Variants in MYBBP1A observed in about 807,000 individuals in gnomAD.
MYBBP1A encodes myb-binding protein 1A.
Under a neutral mutation model 136.3 loss-of-function variants are expected in MYBBP1A, and 147 were observed. That is an observed-to-expected ratio of 1.08 (90% CI 0.94 to 1.24). MYBBP1A has a LOEUF of 1.24. MYBBP1A is among the 50% of genes most tolerant of loss of function. The pLI is 0.00. For missense variants in MYBBP1A, 2,060 were observed against 1,727.4 expected (o/e 1.19, Z -3.41); for synonymous variants, 947 against 735.8 (o/e 1.29, Z -4.65).
Position 4,545,946 on chromosome 17 carries a change from C to A in MYBBP1A, c.1825-4G>T. 6.2e-7 allele frequency: 1 copy of A among 1,612,290 alleles called. No homozygotes were observed. ...GGTCACAGCTCTCTGCAGGGGACTG[C>A]GGGCAGGGTAGGACACACACTGGGG... On this transcript the variant is annotated splice_polypyrimidine_tract_variant and splice_region_variant and intron_variant, in intron 13 of 25. Coordinates refer to ENST00000254718, the MANE Select transcript of MYBBP1A (RefSeq NM_014520.4).
At chr17:4,544,717 G>A in intron 18 of MYBBP1A, 34 bp downstream of exon 18, 1 of 1,494,860 alleles carries the variant, frequency 6.7e-7, no homozygotes, top group Non-Finnish European at 9.0e-7. Flanking sequence ...CGCACAGGGA[G>A]GCGGGGGTGG....
Position 4,539,523 on chromosome 17 carries a change from G to A in MYBBP1A, c.3879C>T (p.Ser1293=), listed in dbSNP as rs73335853. 24,740 of 1,614,026 alleles carry A rather than the reference G, an allele frequency of 0.015. 1,373 individuals are homozygous for A. In the African/African-American group the frequency reaches 0.18, roughly 12 times the overall value. ...KKGVLGKSPL[S]ALARKKARLS... ...GCCTTGCCTTTTTCCGTGCCAGCGC[G>A]GACAGTGGTGATTTGCCCAAGACCC... The change falls in exon 26 of 26, where the codon TCC becomes TCT. Residue 1293 remains serine (S), a synonymous_variant. Coordinates refer to ENST00000254718, the MANE Select transcript of MYBBP1A (RefSeq NM_014520.4).
chr17:4,548,118 C>G lies in MYBBP1A; in HGVS notation c.1724+25G>C. ...CAGTCAGACTGCAGCGTCCTGCCCACCCCCTGGAAATCCCACGTGCTCACC... is the reference window on the plus strand; with the variant it reads ...CAGTCAGACTGCAGCGTCCTGCCCAGCCCCTGGAAATCCCACGTGCTCACC... On this transcript the variant is annotated intron_variant, in intron 12 of 25. Transcript: ENST00000254718. This position sits in a 1 kb window ranked among gnomAD's most constrained non-coding sequence, Gnocchi z 4.2. 1 of 1,603,996 alleles carries G rather than the reference C, an allele frequency of 6.2e-7. No individual in the cohort carries two copies. Among genetic ancestry groups the G allele is most frequent in the South Asian group, 1.1e-5 (1 of 91,030 alleles).
chr17:4,549,195 T>TC (rs1283475543), intron 10 of MYBBP1A, 137 bp downstream of exon 10: 1 of 691,740 alleles, frequency 1.4e-6, no homozygotes, highest in Non-Finnish European at 2.4e-6. Flanking sequence ...AATTCCCAAG[T>TC]CCCCTTGTGC....
Position 4,545,358 on chromosome 17 carries a change from G to A in MYBBP1A, c.2074-13C>T, listed in dbSNP as rs745317396. On this transcript the variant is annotated splice_polypyrimidine_tract_variant and intron_variant, in intron 15 of 25. Transcript: ENST00000254718. ...CGGGGTTCAGCACCTGGGGAGGGGTGCCAGCCACTGACCCATTTGCAGCCC... is the reference window on the plus strand; with the variant it reads ...CGGGGTTCAGCACCTGGGGAGGGGTACCAGCCACTGACCCATTTGCAGCCC... 2 of 1,611,052 alleles carry A rather than the reference G, an allele frequency of 1.2e-6. No homozygotes were observed. Among genetic ancestry groups the A allele is most frequent in the Admixed American group, 1.7e-5 (1 of 59,938 alleles).
intron 5 of MYBBP1A, among the ~76,000 whole-genome samples, chr17:4,553,551 G>C (rs922917039): frequency 1.3e-5 from 2 of 152,220 alleles, no homozygotes; most frequent in Non-Finnish European, 2.9e-5. Context: ...GACAAAAAGA[G>C]TGTAAGATAT....
chr17:4,550,311 C>A lies in MYBBP1A; in HGVS notation c.1066G>T (p.Val356Leu), dbSNP rs188095245. ...TGGCACCCCTCTAGGAAGGTGCCCA[C>A]GTAATCGTCCATCTCTGGGGCAAAC... ...FKFAPEMDDY[V>L]GTFLEGCQDD... Residue 356 changes from valine (V) to leucine (L), a missense_variant, in exon 9 of 26, where the codon GTG (valine) becomes TTG (leucine). Val to Leu is a conservative substitution (Grantham distance 32). Transcript: ENST00000254718. The A allele has an allele frequency of 1.9e-6, 3 of 1,613,096 alleles. No individual in the cohort carries two copies. Among genetic ancestry groups the A allele is most frequent in the Non-Finnish European group, 2.5e-6 (3 of 1,179,886 alleles).
Position 4,549,341 on chromosome 17 carries a change from T to C in MYBBP1A, c.1421A>G (p.Gln474Arg), listed in dbSNP as rs1303817480. 1.2e-6 allele frequency: 2 copies of C among 1,611,612 alleles called. No individual in the cohort carries two copies. The highest frequency in any genetic ancestry group is 2.7e-5 in the African/African-American group (2 of 74,934). Residue 474 changes from glutamine (Q) to arginine (R), a missense_variant, in exon 10 of 26, where the codon CAG (glutamine) becomes CGG (arginine). Gln to Arg is a conservative substitution (Grantham distance 43). Transcript: ENST00000254718. ...HLEMEEALTE[Q>R]VARFCLFHSF... Reference sequence around the variant, plus strand: ...CCAGCACAGCTCGCACCTGGCCACCTGCTCAGTCAAGGCCTCCTCCATCTC... The same window carrying C: ...CCAGCACAGCTCGCACCTGGCCACCCGCTCAGTCAAGGCCTCCTCCATCTC...
At chr17:4,541,631 G>A (rs529816448) in intron 23 of MYBBP1A, 67 bp from the exon 24 acceptor site, 4 of 1,548,912 alleles carry the variant, frequency 2.6e-6, no homozygotes, top group Non-Finnish European at 3.5e-6. Flanking sequence ...TTCCCAGCCG[G>A]AAGTAAAGCC....
chr17:4,544,398 C>T (rs765606651), intron 19 of MYBBP1A, 91 bp downstream of exon 19: 3 of 1,498,674 alleles, frequency 2.0e-6, no homozygotes, highest in Non-Finnish European at 2.7e-6. Context: ...TGGCTCTCTC[C>T]TTCCTGTGCA....
At chr17:4,547,121 G>A (rs1907083200) in intron 13 of MYBBP1A, among the ~76,000 whole-genome samples, 2 of 152,118 alleles carry the variant, frequency 1.3e-5, no homozygotes, top group South Asian at 4.1e-4. Flanking sequence ...CTGTTGGCCA[G>A]GCTGGTCTTG....
rs373771393 is a variant in MYBBP1A, at chr17:4,542,482, C to T, written c.3069G>A (p.Pro1023=). ...LPILVQHITG[P]VRPRHQACLL... Reference sequence around the variant, plus strand: ...CTCTCACCTGATGACGGGGCCGCACCGGGCCCGTGATATGCTGGACCAGGA... The same window carrying T: ...CTCTCACCTGATGACGGGGCCGCACTGGGCCCGTGATATGCTGGACCAGGA... Residue 1023 remains proline (P), a synonymous_variant, in exon 22 of 26, where the codon CCG becomes CCA. Transcript: ENST00000254718. 581 of 1,610,372 alleles carry T rather than the reference C, an allele frequency of 3.6e-4. No individual in the cohort carries two copies. The highest frequency in any genetic ancestry group is 4.7e-4 in the Non-Finnish European group (553 of 1,177,714).
chr17:4,549,524 C>T, intron 9 of MYBBP1A, 82 bp from the exon 10 acceptor site: 1 of 1,296,090 alleles, frequency 7.7e-7, no homozygotes, highest in Non-Finnish European at 1.1e-6. Flanking sequence ...CACCTGTAAT[C>T]CCAGCACTTT....
rs764027363 is a variant in MYBBP1A, at chr17:4,540,495, T to C, written c.3298-11A>G. 33 of 1,602,116 alleles carry C rather than the reference T, an allele frequency of 2.1e-5. No individual in the cohort carries two copies. In the African/African-American group the frequency reaches 3.5e-4, roughly 17 times the overall value. On this transcript the variant is annotated splice_polypyrimidine_tract_variant and intron_variant, in intron 24 of 25. Coordinates refer to ENST00000254718, the MANE Select transcript of MYBBP1A (RefSeq NM_014520.4). ...GTCCAAGGTCAGCTTCTGCAGAGGG[T>C]GGGAAGGCAGAGCTGTGGGGCCACA...
At position 4,542,533 on chromosome 17, in the gene MYBBP1A, C is replaced by T; in HGVS notation, c.3019-1G>A. The T allele has an allele frequency of 6.2e-7, 1 of 1,612,366 alleles. No homozygotes were observed. Among genetic ancestry groups the T allele is most frequent in the Non-Finnish European group, 8.5e-7 (1 of 1,178,904 alleles). On this transcript the variant is annotated splice_acceptor_variant, in intron 21 of 25. Transcript: ENST00000254718. LOFTEE classifies it high-confidence loss of function. ...TGGGGAGCAGGCTCTGACAGAGCAC[C>T]TGGTGGGGAGTGACAAGGGCTGTGA...
Position 4,538,978 on chromosome 17 carries a change from TAA to T in MYBBP1A, c.*435_*436del, listed in dbSNP as rs1038665290. ...CTGCTGATTGTGAATCTCAGAGTCTTAAGAGAGAAGCCAAATATATTCCTCTT... is the reference window on the plus strand; with the variant it reads ...CTGCTGATTGTGAATCTCAGAGTCTTGAGAGAAGCCAAATATATTCCTCTT... On this transcript the variant is annotated 3_prime_UTR_variant, in exon 26 of 26. Coordinates refer to ENST00000254718, the MANE Select transcript of MYBBP1A (RefSeq NM_014520.4). 1.0e-5 allele frequency: 8 copies of T among 798,340 alleles called. No individual in the cohort carries two copies. The Admixed American group carries it at 1.2e-4, about 12-fold the overall frequency. 49.5% of individuals were successfully genotyped at this position (798,340 alleles called of 1,614,324 possible). A position where few individuals can be genotyped will look rare whatever the true frequency, so the allele number is the denominator to read the frequency against.
chr17:4,552,121 G>A lies in MYBBP1A; in HGVS notation c.905+4C>T, dbSNP rs368445715. The A allele has an allele frequency of 3.8e-5, 61 of 1,613,000 alleles. No homozygotes were observed. The highest frequency in any genetic ancestry group is 5.0e-5 in the Admixed American group (3 of 59,954). On this transcript the variant is annotated splice_donor_region_variant and intron_variant, in intron 7 of 25. Coordinates refer to ENST00000254718, the MANE Select transcript of MYBBP1A (RefSeq NM_014520.4). This position sits in a 1 kb window ranked among gnomAD's most constrained non-coding sequence, Gnocchi z 4.7. ...GGCCGAGAGAGGACACGCGTCGCCCGCACCTGGCTGGCCAGAACTGCATCT... is the reference window on the plus strand; with the variant it reads ...GGCCGAGAGAGGACACGCGTCGCCCACACCTGGCTGGCCAGAACTGCATCT...
chr17:4,551,953 G>A lies in MYBBP1A; in HGVS notation c.950C>T (p.Thr317Ile). Residue 317 changes from threonine (T) to isoleucine (I), a missense_variant, in exon 8 of 26, where the codon ACC (threonine) becomes ATC (isoleucine). Transcript: ENST00000254718. ...CATCACCAGGTGCAGCTGCTCCTTG[G>A]TCAGCAGGGGCAGGGCCGCGCCCAG... ...RLLGAALPLL[T>I]KEQLHLVMQG... The A allele has an allele frequency of 1.2e-6, 2 of 1,612,776 alleles. No individual in the cohort carries two copies. The highest frequency in any genetic ancestry group is 8.5e-7 in the Non-Finnish European group (1 of 1,179,268).
chr17:4,538,911 C>T lies in MYBBP1A; in HGVS notation c.*504G>A, dbSNP rs761232979. The T allele has an allele frequency of 1.3e-6, 1 of 781,860 alleles. No individual in the cohort carries two copies. Among genetic ancestry groups the T allele is most frequent in the South Asian group, 1.3e-5 (1 of 74,636 alleles). 48.4% of individuals were successfully genotyped at this position (781,860 alleles called of 1,614,324 possible). A position where few individuals can be genotyped will look rare whatever the true frequency, so the allele number is the denominator to read the frequency against. On this transcript the variant is annotated 3_prime_UTR_variant, in exon 26 of 26. Transcript: ENST00000254718. Reference sequence around the variant, plus strand: ...AAGAACCAGGTCCGAGTGTTGCCTCCTCTTCCTTCCGGAAGCCAAACTGCT... The same window carrying T: ...AAGAACCAGGTCCGAGTGTTGCCTCTTCTTCCTTCCGGAAGCCAAACTGCT...
Sources: gnomAD v4.1 joint callset for allele counts (sites outside exome capture counted in the v4.1 genomes callset) on GRCh38, gnomAD v4.1.1 for gene constraint, Gnocchi (gnomAD v3.1) non-coding constraint, MANE v1.5 for transcripts, NCBI Gene and HGNC (gene_info 2026-07-23, HGNC 2026-07-21) for gene names.